The following TGFBR3 variants were observed in gnomAD, a reference collection of about 807,000 sequenced individuals.
TGFBR3 encodes transforming growth factor beta receptor 3, also known as transforming growth factor beta receptor type 3.
In TGFBR3, 46 loss-of-function variants were observed where a neutral mutation model predicts 87.9. That is an observed-to-expected ratio of 0.52 (90% CI 0.41 to 0.67). The LOEUF is 0.67. TGFBR3 is among the 30% of genes least tolerant of loss of function. The pLI is 0.00. For missense variants in TGFBR3, 866 were observed against 1,041.9 expected, an observed-to-expected ratio of 0.83 and a Z score of 2.32; for synonymous variants, 381 against 391.6, an observed-to-expected ratio of 0.97 and a Z score of 0.32.
chr1:91,685,769 T>C (rs1211897784), intron 16 of TGFBR3, among the ~76,000 whole-genome samples: 1 of 151,976 alleles, frequency 6.6e-6, no homozygotes, highest in Admixed American at 6.6e-5. Context: ...TTCCCCAGAG[T>C]AGGAGCTTTA....
In TGFBR3 at chr1:91,734,915, G is replaced by A. The variant is rs749607019; in HGVS notation, c.429C>T (p.Ser143=). The change falls in exon 5 of 17, where the codon TCC becomes TCT. Residue 143 remains serine (S), a synonymous_variant. Transcript: ENST00000212355. ...TCCTTTCTTCTGTTTCTGCTGTCAA[G>A]GAGAAGTTTGCTGATGAAAACTGGA... The part of the protein sequence containing the change: ...SVVQFSSANF[S]LTAETEERNF... 1.2e-6 allele frequency: 2 copies of A among 1,614,192 alleles called. No homozygotes were observed. The highest frequency in any genetic ancestry group is 1.7e-6 in the Non-Finnish European group (2 of 1,180,018).
intron 1 of TGFBR3, among the ~76,000 whole-genome samples, chr1:91,864,697 C>T (rs2101209871): frequency 6.6e-6 from 1 of 152,272 alleles, no homozygotes; most frequent in Admixed American, 6.5e-5. Context: ...CACCTCAGTG[C>T]CTTAACACCC....
intron 14 of TGFBR3, 141 bp downstream of exon 14, chr1:91,708,522 G>A (rs910553325): frequency 3.3e-5 from 43 of 1,303,660 alleles, no homozygotes; most frequent in Middle Eastern, 3.7e-4. Flanking sequence ...AAGACTCTTC[G>A]GGCAAAAAAT....
chr1:91,870,175 C>A (rs2101234430), intron 1 of TGFBR3, among the ~76,000 whole-genome samples: 1 of 152,296 alleles, frequency 6.6e-6, no homozygotes, highest in South Asian at 2.1e-4. Flanking sequence ...TCAGATCTAA[C>A]CATTTTATCA....
Position 91,683,820 on chromosome 1 carries a change from C to G in TGFBR3, c.2475G>C (p.Pro825=), listed in dbSNP as rs143117141. The part of the protein sequence containing the change: ...TAGRQQVPTS[P]PASENSSAAH... ...CAGCACTGCTGTTTTCCGAGGCTGGCGGGGAGGTGGGGACTTGCTGCCTTC... is the reference window on the plus strand; with the variant it reads ...CAGCACTGCTGTTTTCCGAGGCTGGGGGGGAGGTGGGGACTTGCTGCCTTC... The change falls in exon 17 of 17, where the codon CCG becomes CCC. Residue 825 remains proline (P), a synonymous_variant. Transcript: ENST00000212355. 1 of 1,607,444 alleles carries G rather than the reference C, an allele frequency of 6.2e-7. No individual in the cohort carries two copies. The highest frequency in any genetic ancestry group is 8.5e-7 in the Non-Finnish European group (1 of 1,177,370).
intron 2 of TGFBR3, among the ~76,000 whole-genome samples, chr1:91,801,844 A>T (rs1675640400): frequency 6.6e-6 from 1 of 152,186 alleles, no homozygotes; most frequent in Non-Finnish European, 1.5e-5. Context: ...GTGGTATCCA[A>T]GGCCCCACAA....
intron 3 of TGFBR3, among the ~76,000 whole-genome samples, chr1:91,760,455 G>A (rs139494364): frequency 1.5e-3 from 225 of 152,126 alleles, no homozygotes; most frequent in African/African-American, 5.3e-3. Flanking sequence ...ACATAGACAC[G>A]ATAATACACT....
intron 1 of TGFBR3, 145 bp from the exon 2 acceptor site, chr1:91,861,789 G>A (rs1678205535): frequency 2.0e-6 from 1 of 495,048 alleles, no homozygotes; most frequent in Non-Finnish European, 3.7e-6. Context: ...AAACTAGACT[G>A]AGGGCAGTGA....
intron 3 of TGFBR3, among the ~76,000 whole-genome samples, chr1:91,781,095 A>G (rs1213719321): frequency 6.6e-6 from 1 of 152,178 alleles, no homozygotes; most frequent in Non-Finnish European, 1.5e-5. Context: ...TTTTAAGTAT[A>G]ATGAAGCCAC....
chr1:91,844,931 T>C (rs1383015953), intron 2 of TGFBR3, among the ~76,000 whole-genome samples: 1 of 152,156 alleles, frequency 6.6e-6, no homozygotes, highest in African/African-American at 2.4e-5. Context: ...CAGAAAGGGT[T>C]AAAAATACTA....
chr1:91,819,477 T>C (rs192770934), intron 2 of TGFBR3, among the ~76,000 whole-genome samples: 4 of 152,226 alleles, frequency 2.6e-5, no homozygotes, highest in South Asian at 2.1e-4. Flanking sequence ...TTGACCCACA[T>C]AGAAATTACA....
intron 2 of TGFBR3, among the ~76,000 whole-genome samples, chr1:91,798,895 T>C (rs983604215): frequency 2.0e-5 from 3 of 152,190 alleles, no homozygotes; most frequent in African/African-American, 7.2e-5. Flanking sequence ...CTGACATCAC[T>C]GCAGCCTCCT....
At position 91,699,038 on chromosome 1, in the gene TGFBR3, C is replaced by G. The variant is rs377389631; in HGVS notation, c.2288-908G>C. Among the ~76,000 whole-genome samples, 20 of 151,838 alleles carry G rather than the reference C, an allele frequency of 1.3e-4. No homozygotes were observed. The East Asian group carries it at 2.9e-3, about 22-fold the overall frequency. On this transcript the variant is annotated intron_variant, in intron 14 of 16. Transcript: ENST00000212355. Reference sequence around the variant, plus strand: ...GATCATGTTATAACCCTGACTAAACCCCTTGATGACTCTCCTTCCTTTATA... The same window carrying G: ...GATCATGTTATAACCCTGACTAAACGCCTTGATGACTCTCCTTCCTTTATA...
rs1007102999 is a variant in TGFBR3, at chr1:91,727,514, G to T, written c.885+145C>A. On this transcript the variant is annotated intron_variant, in intron 7 of 16. Transcript: ENST00000212355. ...GAACAACCGCACCTATTTTATAGGA[G>T]CATGCTATTTTGCAAAGTGAAAAAT... 8.0e-6 allele frequency: 8 copies of T among 1,003,178 alleles called. No homozygotes were observed. The African/African-American group carries it at 1.3e-4, about 16-fold the overall frequency. The allele number at this position is 1,003,178 out of a possible 1,614,324, so 62.1% of individuals were successfully genotyped here.
Position 91,712,448 on chromosome 1 carries a change from G to T in TGFBR3, c.1961C>A (p.Thr654Asn). 1 of 1,613,842 alleles carries T rather than the reference G, an allele frequency of 6.2e-7. No homozygotes were observed. The highest frequency in any genetic ancestry group is 8.5e-7 in the Non-Finnish European group (1 of 1,179,728). ...TTTAGGACAAATATTCTCAATAATG[G>T]TGTAATGAGACATCCTATCAGGGTT... is the stretch of plus-strand genomic sequence containing the variant. ...YSNPDRMSHY[T>N]IIENICPKDE... is the part of the protein sequence containing the mutation. The change falls in exon 13 of 17, where the codon ACC (threonine) becomes AAC (asparagine). Residue 654 changes from threonine to asparagine, a missense_variant. Transcript: ENST00000212355.
chr1:91,870,653 G>T (rs755410421), intron 1 of TGFBR3, among the ~76,000 whole-genome samples: 41 of 151,996 alleles, frequency 2.7e-4, no homozygotes, highest in Non-Finnish European at 7.4e-5. Context: ...ACAATACAAG[G>T]AGACAGATGC....
intron 2 of TGFBR3, among the ~76,000 whole-genome samples, chr1:91,894,793 C>T (rs550829991): frequency 1.1e-4 from 16 of 152,326 alleles, no homozygotes; most frequent in Admixed American, 6.5e-4. Flanking sequence ...TCCTTTGAGA[C>T]GGAGTCTCGT....
chr1:91,878,480 G>A (rs145966765), intron 1 of TGFBR3, among the ~76,000 whole-genome samples: 1,664 of 152,230 alleles, frequency 0.011, 30 homozygotes, highest in African/African-American at 0.038. Context: ...ATGGAATTAA[G>A]TATTCATCAA....
intron 2 of TGFBR3, among the ~76,000 whole-genome samples, chr1:91,820,974 TG>T (rs911089982): frequency 7.2e-5 from 11 of 152,230 alleles, no homozygotes; most frequent in African/African-American, 2.7e-4. Context: ...AGAGGAACTC[TG>T]ACTTTGCTCT....
Sources: allele counts gnomAD v4.1 joint callset (sites outside exome capture counted in the v4.1 genomes callset), GRCh38; gene constraint gnomAD v4.1.1; transcripts MANE v1.5; gene names NCBI Gene and HGNC (gene_info 2026-07-23, HGNC 2026-07-21).